Variants in SULT2A1 observed in about 807,000 individuals in gnomAD.
SULT2A1 encodes the protein sulfotransferase family 2A member 1, also known as sulfotransferase 2A1.
Under a neutral mutation model 33.9 loss-of-function variants are expected in SULT2A1, and 43 were observed. The ratio of observed to expected loss-of-function variants is 1.27; its 90% CI spans 1.00 to 1.64. The LOEUF is 1.64. Among genes scored for constraint, SULT2A1 ranks in the 40% most tolerant of loss-of-function variants. The pLI is 0.00. For synonymous variants in SULT2A1, 125 were observed against 113.6 expected (o/e 1.10, Z -0.64); for missense variants, 300 against 335.1 (o/e 0.90, Z 0.82).
Position 47,871,489 on chromosome 19 carries a change from G to A in SULT2A1, c.824C>T (p.Ala275Val). 6.2e-7 allele frequency: 1 copy of A among 1,614,016 alleles called. No homozygotes were observed. The highest frequency in any genetic ancestry group is 8.5e-7 in the Non-Finnish European group (1 of 1,179,948). Residue 275 changes from alanine to valine, a missense_variant, in exon 6 of 6, where the codon GCA (alanine) becomes GTA (valine). Ala to Val is a moderately conservative substitution (Grantham distance 64). Transcript: ENST00000222002. ...TGGGAACAGCTCTCGAGGAAGATCT[G>A]CCATCTTCTCTTGGAACAATTTATC... ...DFDKLFQEKMADLPRELFPWE is the reference protein window; with the variant it reads ...DFDKLFQEKMVDLPRELFPWE
rs528956502 is a variant in SULT2A1 at position 47,874,471 on chromosome 19, C to T, written c.745+186G>A. ...AGAAGAATCACTTGAATCCTGGAGG[C>T]GGACGTTGCAGTGAGCTGAGATCGC... On this transcript the variant is annotated intron_variant, in intron 5 of 5. Transcript: ENST00000222002. 9.2e-5 allele frequency among the ~76,000 whole-genome samples: 13 copies of T among 140,718 alleles called. No individual in the cohort carries two copies. The East Asian group carries it at 1.6e-3, about 17-fold the overall frequency. The allele number at this position is 140,718 out of a possible 152,430, so 92.3% of individuals were successfully genotyped here.
chr19:47,874,671 T>G lies in SULT2A1; in HGVS notation c.731A>C (p.Gln244Pro), dbSNP rs750664796. Residue 244 changes from glutamine (Q) to proline (P), a missense_variant, in exon 5 of 6, where the codon CAA (glutamine) becomes CCA (proline). Transcript: ENST00000222002. ...LSVDYVVDKA[Q>P]LLRKGVSGDW... Reference sequence around the variant, plus strand: ...TTTTCTTTTACCTTTTCTCAGAAGTTGTGCTTTGTCCACTACATAATCAAC... The same window carrying G: ...TTTTCTTTTACCTTTTCTCAGAAGTGGTGCTTTGTCCACTACATAATCAAC... The G allele has an allele frequency of 1.2e-6, 2 of 1,612,110 alleles. No homozygotes were observed. Among genetic ancestry groups the G allele is most frequent in the Non-Finnish European group, 1.7e-6 (2 of 1,179,528 alleles).
chr19:47,886,070 T>C (rs1007228289), intron 1 of SULT2A1, 52 bp downstream of exon 1: 2 of 1,596,854 alleles, frequency 1.3e-6, no homozygotes, highest in Admixed American at 1.7e-5. Flanking sequence ...ATGCACTGAA[T>C]GGACAGGAAC....
intron 5 of SULT2A1, among the ~76,000 whole-genome samples, chr19:47,871,898 G>A (rs987664610): frequency 6.6e-6 from 1 of 151,882 alleles, no homozygotes; most frequent in Admixed American, 6.6e-5. Flanking sequence ...GAGTACACTT[G>A]TAACTGGTCT....
chr19:47,877,580 C>T (rs1968559179), intron 4 of SULT2A1, among the ~76,000 whole-genome samples: 3 of 143,778 alleles, frequency 2.1e-5, no homozygotes, highest in African/African-American at 7.8e-5. Flanking sequence ...GACAGGGTCT[C>T]ATTCTGTTGC....
Position 47,871,542 on chromosome 19 carries a change from G to A in SULT2A1, c.771C>T (p.His257=), listed in dbSNP as rs1968492785. The change falls in exon 6 of 6, where the codon CAC becomes CAT. Residue 257 remains histidine (H), a synonymous_variant. Transcript: ENST00000222002. ...RKGVSGDWKN[H]FTVAQAEDFD... ...AGTCTTCAGCTTGGGCCACTGTGAA[G>A]TGATTTTTCCAGTCCCCAGATACAC... is the stretch of plus-strand genomic sequence containing the variant. The A allele has an allele frequency of 6.2e-7, 1 of 1,613,832 alleles. No individual in the cohort carries two copies. Among genetic ancestry groups the A allele is most frequent in the Admixed American group, 1.7e-5 (1 of 59,938 alleles).
intron 2 of SULT2A1, 47 bp downstream of exon 2, chr19:47,883,530 T>G: frequency 6.4e-7 from 1 of 1,565,650 alleles, no homozygotes; most frequent in Non-Finnish European, 8.8e-7. Context: ...GGCATATCAG[T>G]GTTTGAAAGG....
chr19:47,883,850 T>G, intron 1 of SULT2A1, 65 bp from the exon 2 acceptor site: 1 of 1,479,540 alleles, frequency 6.8e-7, no homozygotes, highest in Non-Finnish European at 9.2e-7. Context: ...GGCTCACGCC[T>G]GTAATCCCAG....
chr19:47,883,340 T>G (rs990732296), intron 2 of SULT2A1, among the ~76,000 whole-genome samples: 2 of 152,064 alleles, frequency 1.3e-5, no homozygotes, highest in Non-Finnish European at 2.9e-5. Context: ...GGTTAGTGTT[T>G]TCACCCTATC....
chr19:47,878,270 G>A (rs1968566918), intron 4 of SULT2A1, among the ~76,000 whole-genome samples: 2 of 151,872 alleles, frequency 1.3e-5, no homozygotes, highest in South Asian at 2.1e-4. Context: ...TTGAATTCAT[G>A]GGCTCAAGTA....
chr19:47,874,696 C>T lies in SULT2A1; in HGVS notation c.706G>A (p.Val236Ile), dbSNP rs1968525581. ...NKMSNYSLLS[V>I]DYVVDKAQLL... is the part of the protein sequence containing the mutation. ...TGTGCTTTGTCCACTACATAATCAA[C>T]ACTCAGGAGGGAATAATTGGACATC... is the stretch of plus-strand genomic sequence containing the variant. Residue 236 changes from valine to isoleucine, a missense_variant, in exon 5 of 6, where the codon GTT (valine) becomes ATT (isoleucine). Physicochemically the swap from Val to Ile is conservative, Grantham distance 29. Transcript: ENST00000222002. 4.3e-6 allele frequency: 7 copies of T among 1,613,964 alleles called. No individual in the cohort carries two copies. Among genetic ancestry groups the T allele is most frequent in the Non-Finnish European group, 5.1e-6 (6 of 1,179,998 alleles).
rs1182734395 is a variant in SULT2A1 at position 47,874,820 on chromosome 19, G to A, written c.582C>T (p.Thr194=). The A allele has an allele frequency of 1.9e-6, 3 of 1,613,398 alleles. No homozygotes were observed. ...YEELKQDTGR[T]IEKICQFLGK... is the part of the protein sequence containing the mutation. ...CCAGGAATTGACAGATCTTCTCTAT[G>A]GTTCTTCCTGTGTCCTAAAAAAGAA... The change falls in exon 5 of 6, where the codon ACC becomes ACT. Residue 194 remains threonine, a synonymous_variant. Transcript: ENST00000222002.
chr19:47,886,267 C>G lies in SULT2A1; in HGVS notation c.-10G>C. The G allele has an allele frequency of 1.9e-6, 3 of 1,613,686 alleles. No individual in the cohort carries two copies. Among genetic ancestry groups the G allele is most frequent in the Non-Finnish European group, 2.5e-6 (3 of 1,179,798 alleles). On this transcript the variant is annotated 5_prime_UTR_variant, in exon 1 of 6. Transcript: ENST00000222002. ...AGAAATCGTCCGACATGATGATGAC[C>G]TCTTCCTGCGTGGTGTGAGGGTTTC...
rs575251379 is a variant in SULT2A1, at chr19:47,882,225, C to T, written c.346-15G>A. 1.7e-5 allele frequency: 28 copies of T among 1,603,280 alleles called. No homozygotes were observed. Among genetic ancestry groups the T allele is most frequent in the African/African-American group, 6.7e-5 (5 of 74,320 alleles). On this transcript the variant is annotated splice_polypyrimidine_tract_variant and intron_variant, in intron 2 of 5. Coordinates refer to ENST00000222002, the MANE Select transcript of SULT2A1 (RefSeq NM_003167.4). ...AGATAAATCACCTTAAATGGAAAAACGGGAGAATGAAAAATCAATACAGTC... is the reference window on the plus strand; with the variant it reads ...AGATAAATCACCTTAAATGGAAAAATGGGAGAATGAAAAATCAATACAGTC...
intron 3 of SULT2A1, 53 bp from the exon 4 acceptor site, chr19:47,879,183 A>G (rs1968578399): frequency 9.5e-7 from 1 of 1,047,826 alleles, no homozygotes; most frequent in Non-Finnish European, 1.5e-6. Flanking sequence ...GAGAGCAGGC[A>G]TCCAGTCTAT....
intron 4 of SULT2A1, among the ~76,000 whole-genome samples, chr19:47,876,002 TA>T (rs201869111): frequency 1.2e-4 from 18 of 152,128 alleles, no homozygotes; most frequent in African/African-American, 1.7e-4. Context: ...AATAGATTTT[TA>T]TTTTTAAAAT....
chr19:47,883,270 T>C lies in SULT2A1; in HGVS notation c.345+307A>G, dbSNP rs369450495. Among the ~76,000 whole-genome samples the C allele has an allele frequency of 3.3e-5, 5 of 152,150 alleles. No individual in the cohort carries two copies. The East Asian group carries it at 5.8e-4, about 18-fold the overall frequency. ...TTTAGGGCAACCAAAGGCGGTTATC[T>C]AGTATATAATATGGCTATACATTCT... On this transcript the variant is annotated intron_variant, in intron 2 of 5. Coordinates refer to ENST00000222002, the MANE Select transcript of SULT2A1 (RefSeq NM_003167.4).
chr19:47,876,949 C>T (rs2431830), intron 4 of SULT2A1, among the ~76,000 whole-genome samples: 111,577 of 149,000 alleles, frequency 0.75, 41,879 homozygotes, highest in Admixed American at 0.82. Flanking sequence ...TGGCGGCGTG[C>T]ATCTGTAGTC....
Position 47,883,575 on chromosome 19 carries a change from A to G in SULT2A1, c.345+2T>C, listed in dbSNP as rs1226856603. Reference sequence around the variant, plus strand: ...AACACGTCTTAACCATTATGCACTGACCTTGGCCTTGGAACTGAAGAAAGA... The same window carrying G: ...AACACGTCTTAACCATTATGCACTGGCCTTGGCCTTGGAACTGAAGAAAGA... On this transcript the variant is annotated splice_donor_variant, in intron 2 of 5. Coordinates refer to ENST00000222002, the MANE Select transcript of SULT2A1 (RefSeq NM_003167.4). LOFTEE classifies it high-confidence loss of function. 6.2e-7 allele frequency: 1 copy of G among 1,613,784 alleles called. No homozygotes were observed. The highest frequency in any genetic ancestry group is 1.3e-5 in the African/African-American group (1 of 74,890).
Sources: allele counts gnomAD v4.1 joint callset (sites outside exome capture counted in the v4.1 genomes callset), GRCh38; gene constraint gnomAD v4.1.1; transcripts MANE v1.5; gene names NCBI Gene and HGNC (gene_info 2026-07-23, HGNC 2026-07-21).